LRP2: variants seen among roughly 807,000 people sequenced by gnomAD.
LRP2 encodes LDL receptor related protein 2, also known as low-density lipoprotein receptor-related protein 2.
In LRP2, 172 loss-of-function variants were observed where a neutral mutation model predicts 531.0. The observed-to-expected ratio is 0.32, with a 90% CI of 0.29 to 0.37. The LOEUF is 0.37. LRP2 is among the 10% of genes least tolerant of loss of function. The pLI is 1.00. For missense variants in LRP2, 5,167 were observed against 5,868.3 expected (o/e 0.88, Z 3.90); for synonymous variants, 1,992 against 2,027.6 (o/e 0.98, Z 0.47).
chr2:169,315,474 G>A (rs1256463161), intron 3 of LRP2, among the ~76,000 whole-genome samples: 1 of 152,160 alleles, frequency 6.6e-6, no homozygotes, highest in African/African-American at 2.4e-5. Context: ...AAGAAGGACT[G>A]TCTAGAACCG....
chr2:169,282,411 T>C (rs1683729081), intron 10 of LRP2, among the ~76,000 whole-genome samples: 1 of 152,234 alleles, frequency 6.6e-6, no homozygotes, highest in Admixed American at 6.5e-5. Context: ...TACCCAGAGT[T>C]AGTGCATTCA....
Position 169,177,848 on chromosome 2 carries a change from T to G in LRP2, c.10348A>C (p.Arg3450=), listed in dbSNP as rs1574100903. The G allele has an allele frequency of 6.2e-7, 1 of 1,614,256 alleles. No homozygotes were observed. The highest frequency in any genetic ancestry group is 2.2e-5 in the East Asian group (1 of 44,896). The change falls in exon 53 of 79, where the codon AGA becomes CGA. Residue 3450 remains arginine (R), a synonymous_variant. Transcript: ENST00000649046. ...TGGTACACATGGATGTCAAATGGTC[T>G]GTGTGTTGTGTTCACCAGTGTCTGT... ...NRQTLVNTTH[R]PFDIHVYHPY...
intron 1 of LRP2, among the ~76,000 whole-genome samples, chr2:169,360,164 A>G (rs1251591357): frequency 3.3e-5 from 5 of 149,356 alleles, no homozygotes; most frequent in Admixed American, 2.7e-4. Context: ...AGAGAGAGAG[A>G]GAAAACCAGA....
intron 9 of LRP2, among the ~76,000 whole-genome samples, chr2:169,288,038 C>A (rs1683904825): frequency 6.6e-6 from 1 of 151,924 alleles, no homozygotes; most frequent in Non-Finnish European, 1.5e-5. Context: ...CATTTTGGAG[C>A]CCCATAGATG....
intron 1 of LRP2, among the ~76,000 whole-genome samples, chr2:169,342,861 C>T (rs1280883329): frequency 1.3e-5 from 2 of 152,206 alleles, no homozygotes; most frequent in South Asian, 2.1e-4. Context: ...CCAAGTCTAG[C>T]TTGACAGCTT....
chr2:169,181,381 G>T, intron 52 of LRP2, 67 bp downstream of exon 52: 1 of 1,505,318 alleles, frequency 6.6e-7, no homozygotes. Context: ...TAATAGACTG[G>T]AATCACAAGC....
intron 26 of LRP2, among the ~76,000 whole-genome samples, 164 bp downstream of exon 26, chr2:169,239,363 C>G (rs542122148): frequency 6.6e-6 from 1 of 152,278 alleles, no homozygotes; most frequent in South Asian, 2.1e-4. Flanking sequence ...TGTATTACCC[C>G]ATTTAATCCT....
At chr2:169,137,300 G>A (rs1485682860) in intron 76 of LRP2, 92 bp downstream of exon 76, 6 of 955,976 alleles carry the variant, frequency 6.3e-6, no homozygotes, top group Middle Eastern at 2.1e-4. Context: ...CTTCCCTTTG[G>A]AGGGAAGGTT....
intron 1 of LRP2, among the ~76,000 whole-genome samples, chr2:169,321,500 C>G (rs979369360): frequency 4.7e-5 from 7 of 149,278 alleles, no homozygotes; most frequent in Non-Finnish European, 1.0e-4. Flanking sequence ...AGAATGTTAA[C>G]AGTGGTTATC....
intron 13 of LRP2, 135 bp downstream of exon 13, chr2:169,277,610 A>G (rs1356852058): frequency 1.2e-6 from 1 of 816,174 alleles, no homozygotes; most frequent in Non-Finnish European, 2.0e-6. Context: ...AAATGTCAGT[A>G]CAAAGGTCAT....
chr2:169,184,866 T>C (rs1039859236), intron 50 of LRP2, among the ~76,000 whole-genome samples: 1 of 152,120 alleles, frequency 6.6e-6, no homozygotes, highest in Non-Finnish European at 1.5e-5. Context: ...GCTTAAGGGA[T>C]CCTCCTACCT....
chr2:169,287,128 C>T (rs764885388), intron 9 of LRP2, among the ~76,000 whole-genome samples: 1 of 152,148 alleles, frequency 6.6e-6, no homozygotes, highest in Non-Finnish European at 1.5e-5. Context: ...ACCACCTAAC[C>T]AATAAGGGCA....
chr2:169,203,218 GCAA>G (rs1162771002), intron 42 of LRP2, among the ~76,000 whole-genome samples: 2 of 152,280 alleles, frequency 1.3e-5, no homozygotes, highest in South Asian at 2.1e-4. Context: ...AATTTGCAAA[GCAA>G]CAACATCAAA....
At chr2:169,333,575 T>C (rs1176094720) in intron 1 of LRP2, among the ~76,000 whole-genome samples, 2 of 152,072 alleles carry the variant, frequency 1.3e-5, no homozygotes, top group Non-Finnish European at 2.9e-5. Flanking sequence ...AATCAAAAAT[T>C]GTAATTTGTT....
chr2:169,288,971 C>T, intron 9 of LRP2, 55 bp downstream of exon 9: 5 of 1,610,586 alleles, frequency 3.1e-6, no homozygotes, highest in Admixed American at 3.3e-5. Flanking sequence ...GAGATCAGGG[C>T]ACCCATCAGT....
chr2:169,136,727 C>A (rs1685528813), intron 76 of LRP2, among the ~76,000 whole-genome samples: 1 of 151,664 alleles, frequency 6.6e-6, no homozygotes, highest in East Asian at 1.9e-4. Context: ...CGGCCCCACC[C>A]CTATCTCCCT....
At chr2:169,260,037 G>C (rs1690483817) in intron 16 of LRP2, among the ~76,000 whole-genome samples, 1 of 152,050 alleles carries the variant, frequency 6.6e-6, no homozygotes. Context: ...GCAGAAACTG[G>C]ACCAAGTATT....
At chr2:169,241,469 A>G in intron 24 of LRP2, 104 bp from the exon 25 acceptor site, 1 of 1,221,718 alleles carries the variant, frequency 8.2e-7, no homozygotes. Context: ...GTAGGTTTAT[A>G]GTAACAACTA....
At position 169,154,452 on chromosome 2, in the gene LRP2, A is replaced by G. The variant is rs759462870; in HGVS notation, c.12295+8T>C. ...ATATCAATGAAAGATGCCAAAGTTT[A>G]TACTCACTGAGGCCTATGTCCTTGG... is the stretch of plus-strand genomic sequence containing the variant. On this transcript the variant is annotated splice_region_variant and intron_variant, in intron 66 of 78. Coordinates refer to ENST00000649046, the MANE Select transcript of LRP2 (RefSeq NM_004525.3). 6.8e-6 allele frequency: 11 copies of G among 1,610,744 alleles called. No homozygotes were observed. In the East Asian group the frequency reaches 8.9e-5, roughly 13 times the overall value.
Sources: gnomAD v4.1 joint callset for allele counts (sites outside exome capture counted in the v4.1 genomes callset) on GRCh38, gnomAD v4.1.1 for gene constraint, MANE v1.5 for transcripts, NCBI Gene and HGNC (gene_info 2026-07-23, HGNC 2026-07-21) for gene names.